FSTL5: variants seen among roughly 807,000 people sequenced by gnomAD.
FSTL5 encodes follistatin like 5.
In FSTL5, 62 loss-of-function variants were observed where a neutral mutation model predicts 89.1. The ratio of observed to expected loss-of-function variants is 0.70; its 90% CI spans 0.57 to 0.86. The LOEUF (loss-of-function observed/expected upper bound fraction) is 0.86, where lower values mean the gene tolerates loss of function less well. Among genes scored for constraint, FSTL5 ranks in the 40% least tolerant of loss-of-function variants. FSTL5 has a pLI of 0.00. For missense variants in FSTL5, 1,057 were observed against 1,001.6 expected (o/e 1.06, Z -0.75); for synonymous variants, 383 against 346.2 (o/e 1.11, Z -1.18).
chr4:161,427,253 G>T (rs1455354291), intron 15 of FSTL5, among the ~76,000 whole-genome samples: 1 of 152,176 alleles, frequency 6.6e-6, no homozygotes, highest in East Asian at 1.9e-4. Context: ...CATATTATAT[G>T]CTATGTCAGC....
intron 8 of FSTL5, among the ~76,000 whole-genome samples, chr4:161,582,382 T>C (rs561058797): frequency 5.8e-4 from 89 of 152,346 alleles, no homozygotes; most frequent in African/African-American, 1.8e-3. Context: ...ATGTGCTATT[T>C]GGTAGATAAT....
intron 2 of FSTL5, among the ~76,000 whole-genome samples, chr4:162,081,604 G>A (rs1237780183): frequency 1.3e-5 from 2 of 151,598 alleles, no homozygotes; most frequent in African/African-American, 4.8e-5. Context: ...AATGGTTAGT[G>A]TATTCCTTTA....
chr4:161,585,066 C>T (rs1733558457), intron 8 of FSTL5, among the ~76,000 whole-genome samples: 1 of 152,004 alleles, frequency 6.6e-6, no homozygotes, highest in Non-Finnish European at 1.5e-5. Context: ...TTCCATATTC[C>T]ATCTTCAGAA....
intron 3 of FSTL5, among the ~76,000 whole-genome samples, chr4:161,966,070 T>A (rs1735318491): frequency 6.6e-6 from 1 of 152,144 alleles, no homozygotes; most frequent in South Asian, 2.1e-4. Context: ...TACAAGTTTC[T>A]TATTGCCACA....
chr4:162,162,576 A>C (rs145812761), intron 1 of FSTL5, among the ~76,000 whole-genome samples: 1 of 152,312 alleles, frequency 6.6e-6, no homozygotes, highest in East Asian at 1.9e-4. Context: ...AATAGTAATA[A>C]GAAATACAAA....
At chr4:162,103,058 A>G (rs141293858) in intron 2 of FSTL5, among the ~76,000 whole-genome samples, 541 of 152,220 alleles carry the variant, frequency 3.6e-3, no homozygotes, top group Non-Finnish European at 6.5e-3. Context: ...CTACAGATCT[A>G]TAATAATCAT....
chr4:162,162,987 C>T (rs977237185), intron 1 of FSTL5, among the ~76,000 whole-genome samples: 1 of 152,166 alleles, frequency 6.6e-6, no homozygotes, highest in Non-Finnish European at 1.5e-5. Flanking sequence ...TACACATGAC[C>T]TTGGGGTGTG....
chr4:161,620,196 G>C (rs1041165510), intron 7 of FSTL5, among the ~76,000 whole-genome samples: 2 of 115,844 alleles, frequency 1.7e-5, no homozygotes, highest in African/African-American at 6.6e-5. Context: ...TTGTGGGGTG[G>C]GGGGAGGGGG....
At chr4:162,086,780 T>C (rs1730339427) in intron 2 of FSTL5, among the ~76,000 whole-genome samples, 1 of 152,048 alleles carries the variant, frequency 6.6e-6, no homozygotes, top group African/African-American at 2.4e-5. Context: ...ATTGAACTTC[T>C]ATTTAGGAAA....
At chr4:161,616,108 T>C (rs60997603) in intron 7 of FSTL5, among the ~76,000 whole-genome samples, 7,431 of 151,764 alleles carry the variant, frequency 0.049, 599 homozygotes, top group African/African-American at 0.17. Flanking sequence ...TTTTTTGAGA[T>C]GGGGTTTTGC....
At position 161,634,405 on chromosome 4, in the gene FSTL5, GTGAAATCAGTATCT is replaced by G. The variant is rs1423944670; in HGVS notation, c.894+21909_894+21922del. Among the ~76,000 whole-genome samples, 9 of 152,192 alleles carry G rather than the reference GTGAAATCAGTATCT, an allele frequency of 5.9e-5. No homozygotes were observed. The South Asian group carries it at 8.3e-4, about 14-fold the overall frequency. ...ACTACTGAATTTGTATCCTAAGGAAGTGAAATCAGTATCTTGACAAGATATCTGCACCTTCAATG... is the reference window on the plus strand; with the variant it reads ...ACTACTGAATTTGTATCCTAAGGAAGTGACAAGATATCTGCACCTTCAATG... On this transcript the variant is annotated intron_variant, in intron 7 of 15. Coordinates refer to ENST00000306100, the MANE Select transcript of FSTL5 (RefSeq NM_020116.5).
At chr4:162,150,061 A>G (rs1008851072) in intron 1 of FSTL5, among the ~76,000 whole-genome samples, 5 of 152,200 alleles carry the variant, frequency 3.3e-5, no homozygotes, top group African/African-American at 7.2e-5. Context: ...ATATTGGCTA[A>G]TCAGGATTGT....
At chr4:161,916,910 A>G (rs1733856973) in intron 4 of FSTL5, among the ~76,000 whole-genome samples, 1 of 152,160 alleles carries the variant, frequency 6.6e-6, no homozygotes, top group Non-Finnish European at 1.5e-5. Context: ...CAATGCATCA[A>G]TACACCTGAT....
chr4:161,588,071 G>A (rs1243798699), intron 7 of FSTL5, among the ~76,000 whole-genome samples: 2 of 152,116 alleles, frequency 1.3e-5, no homozygotes, highest in African/African-American at 2.4e-5. Flanking sequence ...TTACTCCAGA[G>A]GCTGAGGCAG....
chr4:161,935,138 G>C (rs1734396414), intron 3 of FSTL5, among the ~76,000 whole-genome samples: 1 of 152,066 alleles, frequency 6.6e-6, no homozygotes, highest in Non-Finnish European at 1.5e-5. Flanking sequence ...AATTAGAACT[G>C]CTCCAGTTCC....
chr4:161,530,955 C>G (rs573600940), intron 10 of FSTL5, among the ~76,000 whole-genome samples: 1 of 152,138 alleles, frequency 6.6e-6, no homozygotes, highest in Non-Finnish European at 1.5e-5. Context: ...TGTGTTACCT[C>G]TATCTAAATC....
intron 15 of FSTL5, among the ~76,000 whole-genome samples, chr4:161,425,904 G>A (rs1270669989): frequency 6.6e-6 from 1 of 151,612 alleles, no homozygotes; most frequent in African/African-American, 2.4e-5. Flanking sequence ...TCTCTCAAGA[G>A]TGAGGGTAGA....
At position 161,683,148 on chromosome 4, in the gene FSTL5, T is replaced by G. The variant is rs944743553; in HGVS notation, c.728-26654A>C. ...TATTTATTATCTTTATCAAGTGTTA[T>G]GTACTGTACATAATTGTATGTGCTA... On this transcript the variant is annotated intron_variant, in intron 6 of 15. Transcript: ENST00000306100. Among the ~76,000 whole-genome samples, 5 of 152,322 alleles carry G rather than the reference T, an allele frequency of 3.3e-5. No homozygotes were observed. In the South Asian group the frequency reaches 8.3e-4, roughly 25 times the overall value.
chr4:161,957,710 T>C (rs887765397), intron 3 of FSTL5, among the ~76,000 whole-genome samples: 3 of 152,096 alleles, frequency 2.0e-5, no homozygotes, highest in Non-Finnish European at 4.4e-5. Context: ...TCTTTTTGTT[T>C]TAATTTTATT....
Sources: gnomAD v4.1 joint callset for allele counts (sites outside exome capture counted in the v4.1 genomes callset) on GRCh38, gnomAD v4.1.1 for gene constraint, MANE v1.5 for transcripts, NCBI Gene and HGNC (gene_info 2026-07-23, HGNC 2026-07-21) for gene names.